The following DRC5 variants were observed in gnomAD, a reference collection of about 807,000 sequenced individuals.
DRC5 encodes dynein regulatory complex subunit 5, also known as T-complex-associated testis-expressed protein 1.
chr6:44,285,472 C>G, the DRC5 span, among the ~76,000 whole-genome samples: 26,973 of 152,158 alleles, frequency 0.18, 2,577 homozygotes, highest in Non-Finnish European at 0.21. Context: ...TCACTGCAGG[C>G]TTGAACTCCG....
At chr6:44,282,092 C>T in the DRC5 span, 1 of 1,605,300 alleles carries the variant, frequency 6.2e-7, no homozygotes, top group Non-Finnish European at 8.5e-7. Context: ...CCTCACAAGC[C>T]CAGAATAGGT....
chr6:44,294,790 A>AAAAAAG, the DRC5 span, among the ~76,000 whole-genome samples: 2 of 150,076 alleles, frequency 1.3e-5, no homozygotes, highest in East Asian at 2.0e-4. Flanking sequence ...AAAAAAAAAA[A>AAAAAAG]AAAGAAAGAA....
the DRC5 span, chr6:44,281,961 G>A: frequency 7.6e-6 from 6 of 791,406 alleles, no homozygotes; most frequent in Non-Finnish European, 1.0e-5. Flanking sequence ...AAGGATTAAA[G>A]GAAAAATAAT....
chr6:44,297,305 A>G, the DRC5 span, among the ~76,000 whole-genome samples: 3 of 152,200 alleles, frequency 2.0e-5, no homozygotes, highest in Non-Finnish European at 4.4e-5. Context: ...CTAGGGCCCC[A>G]GGGCTTGGGA....
At chr6:44,281,329 TATC>T in the DRC5 span, among the ~76,000 whole-genome samples, 3 of 152,160 alleles carry the variant, frequency 2.0e-5, no homozygotes, top group East Asian at 3.8e-4. Context: ...TAAAGGAAAA[TATC>T]AGCATATATC....
the DRC5 span, among the ~76,000 whole-genome samples, chr6:44,288,389 G>A: frequency 1.3e-5 from 2 of 152,204 alleles, no homozygotes; most frequent in Middle Eastern, 3.4e-3. Flanking sequence ...GAGGCTAATT[G>A]ACTTGCCCAA....
the DRC5 span, chr6:44,280,080 C>G: frequency 9.1e-7 from 1 of 1,094,602 alleles, no homozygotes; most frequent in South Asian, 1.4e-5. Context: ...TTCACAGTCC[C>G]CCTCCCCGCT....
the DRC5 span, among the ~76,000 whole-genome samples, chr6:44,289,841 T>C: frequency 6.6e-6 from 1 of 152,256 alleles, no homozygotes; most frequent in African/African-American, 2.4e-5. Context: ...ATGGGGCTGC[T>C]GGCACCTAGT....
chr6:44,282,864 G>A, the DRC5 span, among the ~76,000 whole-genome samples: 1 of 145,550 alleles, frequency 6.9e-6, no homozygotes, highest in Non-Finnish European at 1.5e-5. Context: ...GTGCAGTGGC[G>A]TGATCTTGGC....
chr6:44,280,624 TGAA>T, the DRC5 span, among the ~76,000 whole-genome samples: 1 of 152,240 alleles, frequency 6.6e-6, no homozygotes, highest in African/African-American at 2.4e-5. Flanking sequence ...TCTCTGGCAA[TGAA>T]GATAATTCCA....
At chr6:44,282,307 G>A in the DRC5 span, 3 of 1,614,128 alleles carry the variant, frequency 1.9e-6, no homozygotes, top group Admixed American at 1.7e-5. Context: ...CGTAGGTTGA[G>A]GGAAATGAGG....
the DRC5 span, among the ~76,000 whole-genome samples, chr6:44,288,853 G>A: frequency 2.0e-5 from 3 of 151,748 alleles, no homozygotes; most frequent in African/African-American, 7.3e-5. Context: ...GATTAGCTGG[G>A]CAGGGTGGCA....
At chr6:44,289,855 T>C in the DRC5 span, among the ~76,000 whole-genome samples, 1 of 152,152 alleles carries the variant, frequency 6.6e-6, no homozygotes, top group African/African-American at 2.4e-5. Flanking sequence ...ACCTAGTTCC[T>C]CCTCCAGGCA....
At chr6:44,289,929 ACT>A in the DRC5 span, among the ~76,000 whole-genome samples, 2 of 151,976 alleles carry the variant, frequency 1.3e-5, no homozygotes, top group African/African-American at 2.4e-5. Flanking sequence ...GGGAGGGAAC[ACT>A]CTGAACCAGC....
the DRC5 span, chr6:44,287,988 G>C: frequency 2.4e-6 from 2 of 817,638 alleles, no homozygotes; most frequent in Non-Finnish European, 3.7e-6. Context: ...AAGAGAGGTG[G>C]TACAGAATAG....
chr6:44,282,825 C>T, the DRC5 span, among the ~76,000 whole-genome samples: 57 of 104,332 alleles, frequency 5.5e-4, no homozygotes, highest in Non-Finnish European at 7.4e-4. Flanking sequence ...TTTTTTGAGA[C>T]GGAGTCTCGC....
the DRC5 span, among the ~76,000 whole-genome samples, chr6:44,289,497 G>A: frequency 2.6e-5 from 4 of 152,074 alleles, no homozygotes; most frequent in African/African-American, 7.2e-5. Context: ...TTTCAATGTG[G>A]CTACTGTTTC....
chr6:44,282,645 T>C, the DRC5 span: 1 of 1,243,122 alleles, frequency 8.0e-7, no homozygotes. Context: ...TTGGCTCACC[T>C]AGTGTTGGCC....
the DRC5 span, among the ~76,000 whole-genome samples, chr6:44,295,241 C>A: frequency 2.6e-5 from 4 of 152,206 alleles, no homozygotes; most frequent in Non-Finnish European, 5.9e-5. Context: ...GTGGGTACGT[C>A]TTGTGCCACC....
Sources: allele counts gnomAD v4.1 joint callset (sites outside exome capture counted in the v4.1 genomes callset), GRCh38; gene constraint gnomAD v4.1.1; transcripts MANE v1.5; gene names NCBI Gene and HGNC (gene_info 2026-07-23, HGNC 2026-07-21).